PTTG1: variants seen among roughly 807,000 people sequenced by gnomAD.
PTTG1 encodes the protein PTTG1 regulator of sister chromatid separation, securin.
PTTG1 carries 8 observed loss-of-function variants against 20.0 expected under a neutral mutation model. The observed-to-expected ratio is 0.40, with a 90% confidence interval of 0.23 to 0.72. The LOEUF is 0.72. PTTG1 is among the 30% of genes least tolerant of loss of function. The probability of loss-of-function intolerance (pLI) is 0.38; values close to 1 mark genes in which losing one functional copy is unlikely to be tolerated. For synonymous variants in PTTG1, 79 were observed against 87.2 expected (o/e 0.91, Z 0.52); for missense variants, 197 against 236.0 (o/e 0.83, Z 1.08).
At chr5:160,422,520 A>G in intron 2 of PTTG1, 117 bp downstream of exon 2, 1 of 1,010,278 alleles carries the variant, frequency 9.9e-7, no homozygotes, top group Admixed American at 2.1e-5. Context: ...GTCCTTTTTC[A>G]TTTTTAATAT....
intron 4 of PTTG1, 94 bp downstream of exon 4, chr5:160,424,424 A>C (rs1333424055): frequency 1.3e-5 from 11 of 859,610 alleles, no homozygotes; most frequent in Non-Finnish European, 2.0e-5. Context: ...ATATATGACC[A>C]AAAACTATGA....
At chr5:160,423,252 G>A (rs891235031) in intron 3 of PTTG1, among the ~76,000 whole-genome samples, 5 of 152,200 alleles carry the variant, frequency 3.3e-5, no homozygotes, top group African/African-American at 1.2e-4. Context: ...CTGAGAGAGA[G>A]GGTGCCTTAA....
intron 2 of PTTG1, 23 bp downstream of exon 2, chr5:160,422,426 G>C (rs776126908): frequency 1.3e-6 from 2 of 1,589,260 alleles, no homozygotes; most frequent in East Asian, 2.2e-5. Flanking sequence ...GGCTGCAGTC[G>C]GATACACTGG....
Position 160,427,833 on chromosome 5 carries a change from C to G in PTTG1, c.489C>G (p.Pro163=), listed in dbSNP as rs370916098. Residue 163 remains proline, a synonymous_variant, in exon 5 of 6, where the codon CCC becomes CCG. Coordinates refer to ENST00000352433, the MANE Select transcript of PTTG1 (RefSeq NM_004219.4). ...RELEKLFQLG[P]PSPVKMPSPP... ...TTGAAAAGCTGTTTCAGCTGGGCCC[C>G]CCTTCACCTGTGAAGATGCCCTCTC... 2.5e-5 allele frequency: 41 copies of G among 1,614,052 alleles called. No homozygotes were observed. The highest frequency in any genetic ancestry group is 3.2e-5 in the Non-Finnish European group (38 of 1,180,030).
At chr5:160,423,147 G>T (rs1027359205) in intron 3 of PTTG1, 2 of 479,498 alleles carry the variant, frequency 4.2e-6, no homozygotes, top group African/African-American at 3.9e-5. Flanking sequence ...CACTAGTGTC[G>T]TGAAACTGGT....
intron 3 of PTTG1, among the ~76,000 whole-genome samples, chr5:160,423,952 T>C (rs1223151017): frequency 6.6e-6 from 1 of 152,204 alleles, no homozygotes; most frequent in African/African-American, 2.4e-5. Flanking sequence ...TCATGCCCAT[T>C]TTCTCCTCTG....
chr5:160,425,959 A>G (rs1765800823), intron 4 of PTTG1, among the ~76,000 whole-genome samples: 1 of 152,194 alleles, frequency 6.6e-6, no homozygotes, highest in African/African-American at 2.4e-5. Flanking sequence ...GTTAAATCCT[A>G]CTTTTGTTAC....
intron 4 of PTTG1, among the ~76,000 whole-genome samples, chr5:160,426,924 C>T (rs1765819049): frequency 6.6e-6 from 1 of 152,084 alleles, no homozygotes; most frequent in Non-Finnish European, 1.5e-5. Context: ...CACCTGTAAT[C>T]CCAGCTGCTT....
In PTTG1 at chr5:160,424,218, T is replaced by G. The variant is rs1765768473; in HGVS notation, c.277-19T>G. ...AGACTTCCACTGTCACTAACCCATA[T>G]TTTCTTTGGCTGTTCTAGATGACTG... On this transcript the variant is annotated intron_variant, in intron 3 of 5. Coordinates refer to ENST00000352433, the MANE Select transcript of PTTG1 (RefSeq NM_004219.4). The G allele has an allele frequency of 6.4e-7, 1 of 1,571,834 alleles. No individual in the cohort carries two copies. Among genetic ancestry groups the G allele is most frequent in the Non-Finnish European group, 8.7e-7 (1 of 1,147,388 alleles).
intron 4 of PTTG1, among the ~76,000 whole-genome samples, chr5:160,425,057 G>A (rs1358966394): frequency 6.6e-6 from 1 of 152,160 alleles, no homozygotes; most frequent in Non-Finnish European, 1.5e-5. Flanking sequence ...GCAGGGTAAA[G>A]GAGGATACAG....
chr5:160,428,010 A>G, intron 5 of PTTG1, 137 bp downstream of exon 5: 1 of 1,118,390 alleles, frequency 8.9e-7, no homozygotes, highest in Non-Finnish European at 1.3e-6. Flanking sequence ...TAGTTTTCAG[A>G]AAAATAAACT....
chr5:160,427,555 A>G (rs1423874313), intron 4 of PTTG1, among the ~76,000 whole-genome samples, 160 bp from the exon 5 acceptor site: 1 of 152,184 alleles, frequency 6.6e-6, no homozygotes, highest in East Asian at 1.9e-4. Flanking sequence ...CTGCCTTGGT[A>G]CCATCATTAC....
chr5:160,422,900 G>A lies in PTTG1; in HGVS notation c.276+7G>A, dbSNP rs1392496792. 6 of 1,613,836 alleles carry A rather than the reference G, an allele frequency of 3.7e-6. No individual in the cohort carries two copies. The highest frequency in any genetic ancestry group is 2.2e-5 in the East Asian group (1 of 44,882). The stretch of plus-strand genomic sequence containing the variant: ...AAGCTTTTCTGCCAAAAAGGTAAGT[G>A]TTGGCTATAAAGACACTGTTTAAAC... On this transcript the variant is annotated splice_region_variant and intron_variant, in intron 3 of 5. Transcript: ENST00000352433.
intron 5 of PTTG1, among the ~76,000 whole-genome samples, chr5:160,428,117 A>G (rs1039115438): frequency 5.9e-5 from 9 of 152,196 alleles, no homozygotes; most frequent in Admixed American, 3.3e-4. Flanking sequence ...ATTAATTCTC[A>G]CTTACATCTT....
At position 160,424,315 on chromosome 5, in the gene PTTG1, C is replaced by T; in HGVS notation, c.355C>T (p.Pro119Ser). The T allele has an allele frequency of 6.2e-7, 1 of 1,604,296 alleles. No individual in the cohort carries two copies. The highest frequency in any genetic ancestry group is 8.5e-7 in the Non-Finnish European group (1 of 1,171,684). ...DAYPEIEKFF[P>S]FNPLDFESFD... ...CTATCCAGAAATAGAAAAATTCTTT[C>T]CCTTCAATCCTCTAGGTAGTATCTT... The change falls in exon 4 of 6, where the codon CCC (proline) becomes TCC (serine). Residue 119 changes from proline (P) to serine (S), a missense_variant. Transcript: ENST00000352433.
At chr5:160,422,115 G>C in intron 1 of PTTG1, 187 bp from the exon 2 acceptor site, 4 of 547,640 alleles carry the variant, frequency 7.3e-6, no homozygotes, top group Non-Finnish European at 6.5e-6. Context: ...CGGGACCTTA[G>C]AGCCTCTGAC....
In PTTG1 at chr5:160,421,880, G is replaced by C. The variant is rs907266182; in HGVS notation, c.-23G>C. The C allele has an allele frequency of 5.3e-5, 9 of 170,710 alleles. No homozygotes were observed. Among genetic ancestry groups the C allele is most frequent in the Non-Finnish European group, 1.0e-4 (8 of 78,148 alleles). 10.6% of individuals were successfully genotyped at this position (170,710 alleles called of 1,614,324 possible). On this transcript the variant is annotated 5_prime_UTR_variant, in exon 1 of 6. Transcript: ENST00000352433. ...ACCGCGGCCTCAGATGAATGCGGCT[G>C]TTAAGACCTGCGTGAGTGAATGGGA...
Position 160,428,658 on chromosome 5 carries a change from G to A in PTTG1, c.586G>A (p.Val196Ile). ...LSTLDVELPP[V>I]CCDIDI ...GACCCTGGATGTTGAATTGCCACCT[G>A]TTTGCTGTGACATAGATATTTAAAT... The change falls in exon 6 of 6, where the codon GTT (valine) becomes ATT (isoleucine). Residue 196 changes from valine (V) to isoleucine (I), a missense_variant. Coordinates refer to ENST00000352433, the MANE Select transcript of PTTG1 (RefSeq NM_004219.4). 1 of 1,613,752 alleles carries A rather than the reference G, an allele frequency of 6.2e-7. No individual in the cohort carries two copies. The highest frequency in any genetic ancestry group is 1.1e-5 in the South Asian group (1 of 91,062).
chr5:160,422,749 A>G lies in PTTG1; in HGVS notation c.132A>G (p.Pro44=), dbSNP rs1765738681. Residue 44 remains proline, a synonymous_variant, in exon 3 of 6, where the codon CCA becomes CCG. Transcript: ENST00000352433. The stretch of plus-strand genomic sequence containing the variant: ...ATGGGAGATCTCAAGTTTCAACACC[A>G]CGTTTTGGCAAAACGTTCGATGCCC... ...ALDGRSQVST[P]RFGKTFDAPP... 2 of 1,613,988 alleles carry G rather than the reference A, an allele frequency of 1.2e-6. No homozygotes were observed. Among genetic ancestry groups the G allele is most frequent in the South Asian group, 1.1e-5 (1 of 91,082 alleles).
Sources: allele counts gnomAD v4.1 joint callset (sites outside exome capture counted in the v4.1 genomes callset), GRCh38; gene constraint gnomAD v4.1.1; transcripts MANE v1.5; gene names NCBI Gene and HGNC (gene_info 2026-07-23, HGNC 2026-07-21).